The following DGKA variants were observed in gnomAD, a reference collection of about 807,000 sequenced individuals.
The protein encoded by DGKA is 80 kDa diacylglycerol kinase.
A neutral mutation model predicts 105.0 loss-of-function variants in DGKA; 35 were observed. The ratio of observed to expected loss-of-function variants is 0.33; its 90% CI spans 0.25 to 0.44. The LOEUF (loss-of-function observed/expected upper bound fraction) is 0.44. Ranked by LOEUF, DGKA falls within the 20% of genes least tolerant of loss-of-function variation. The pLI is 1.00. For synonymous variants in DGKA, 296 were observed against 332.0 expected (o/e 0.89, Z 1.18); for missense variants, 665 against 915.0 (o/e 0.73, Z 3.53).
upstream of DGKA, chr12:55,927,637 G>A (rs779628775): frequency 3.0e-5 from 45 of 1,494,498 alleles, no homozygotes; most frequent in South Asian, 4.9e-4. Flanking sequence ...GGTCGAATTC[G>A]TGTGCCGATT....
rs536484555 is a variant in DGKA, at chr12:55,943,582, A to G, written c.1426+1319A>G. Among the ~76,000 whole-genome samples, 71 of 152,060 alleles carry G rather than the reference A, an allele frequency of 4.7e-4. 1 individual carries two copies. The highest frequency in any genetic ancestry group is 1.6e-3 in the African/African-American group (67 of 41,516). ...TAAGCCACCATGCCCAACCCACTTTACCATTCAAGCCACTCAGGTATTTGA... is the reference window on the plus strand; with the variant it reads ...TAAGCCACCATGCCCAACCCACTTTGCCATTCAAGCCACTCAGGTATTTGA... On this transcript the variant is annotated intron_variant, in intron 17 of 23. Coordinates refer to ENST00000331886, the MANE Select transcript of DGKA (RefSeq NM_001345.5).
At position 55,953,718 on chromosome 12, in the gene DGKA, C is replaced by T. The variant is rs755351050; in HGVS notation, c.2158C>T (p.Leu720Phe). 5.0e-6 allele frequency: 8 copies of T among 1,614,158 alleles called. No homozygotes were observed. The East Asian group carries it at 1.3e-4, about 27-fold the overall frequency. ...KITHKNQMPM[L>F]MGPPPRSTNF... is the part of the protein sequence containing the mutation. ...CACCCACAAGAACCAGATGCCCATG[C>T]TCATGGGCCCACCCCCCCGCTCCAC... The change falls in exon 24 of 24, where the codon CTC (leucine) becomes TTC (phenylalanine). Residue 720 changes from leucine (L) to phenylalanine (F), a missense_variant. This residue lies in a region of DGKA where 158 missense variants were observed against 213.4 expected (regional missense o/e 0.74). Transcript: ENST00000331886.
rs996547002 is a variant in DGKA, at chr12:55,940,211, C to T, written c.798+41C>T. The T allele has an allele frequency of 1.9e-6, 3 of 1,613,044 alleles. No homozygotes were observed. The highest frequency in any genetic ancestry group is 2.5e-6 in the Non-Finnish European group (3 of 1,178,984). On this transcript the variant is annotated intron_variant, in intron 10 of 23. Coordinates refer to ENST00000331886, the MANE Select transcript of DGKA (RefSeq NM_001345.5). The surrounding 1 kb of genome is among the most constrained non-coding windows in gnomAD (Gnocchi z 4.3). ...CCTCCACCCCCAACATCACCTACAT[C>T]CTGGCCCTGGCCCTGGCCCTTGGCC...
Position 55,932,738 on chromosome 12 carries a change from CACAA to C in DGKA, c.-82+1395_-82+1398del, listed in dbSNP as rs1883898885. ...ACACACACACACACACACACACACA[CACAA>C]CCCCCTCAGCCAGGTGTAGCACTGC... is the stretch of plus-strand genomic sequence containing the variant. On this transcript the variant is annotated intron_variant, in intron 1 of 23. Coordinates refer to ENST00000331886, the MANE Select transcript of DGKA (RefSeq NM_001345.5). The surrounding 1 kb of genome is among the most constrained non-coding windows in gnomAD (Gnocchi z 4.3). 1.5e-5 allele frequency: 9 copies of C among 597,942 alleles called. No individual in the cohort carries two copies. Among genetic ancestry groups the C allele is most frequent in the Non-Finnish European group, 2.1e-5 (7 of 328,144 alleles). 37.0% of individuals were successfully genotyped at this position (597,942 alleles called of 1,614,324 possible). A position where few individuals can be genotyped will look rare whatever the true frequency, so the allele number is the denominator to read the frequency against.
At chr12:55,950,224 C>T (rs1045100921) in intron 17 of DGKA, among the ~76,000 whole-genome samples, 3 of 152,048 alleles carry the variant, frequency 2.0e-5, no homozygotes, top group South Asian at 2.1e-4. Flanking sequence ...CTGCCCTCCT[C>T]GGCCTCCCAA....
chr12:55,951,756 C>G lies in DGKA; in HGVS notation c.1560C>G (p.Ile520Met), dbSNP rs112257634. 6.2e-7 allele frequency: 1 copy of G among 1,613,728 alleles called. No homozygotes were observed. Among genetic ancestry groups the G allele is most frequent in the Non-Finnish European group, 8.5e-7 (1 of 1,179,986 alleles). ...EEKSDPVPFQ[I>M]INNYFSIGVD... Reference sequence around the variant, plus strand: ...AAAGTGACCCAGTCCCCTTTCAAATCATCAATAACTACTTCTCTATTGGCG... The same window carrying G: ...AAAGTGACCCAGTCCCCTTTCAAATGATCAATAACTACTTCTCTATTGGCG... Residue 520 changes from isoleucine to methionine, a missense_variant, in exon 18 of 24, where the codon ATC (isoleucine) becomes ATG (methionine). Physicochemically the swap from Ile to Met is conservative, Grantham distance 10. Coordinates refer to ENST00000331886, the MANE Select transcript of DGKA (RefSeq NM_001345.5).
chr12:55,939,453 G>C lies in DGKA; in HGVS notation c.633G>C (p.Lys211Asn). 6.2e-7 allele frequency: 1 copy of C among 1,614,208 alleles called. No homozygotes were observed. The highest frequency in any genetic ancestry group is 1.1e-5 in the South Asian group (1 of 91,086). The change falls in exon 9 of 24, where the codon AAG (lysine) becomes AAC (asparagine). Residue 211 changes from lysine to asparagine, a missense_variant. This residue lies in a region of DGKA where 504 missense variants were observed against 681.2 expected (regional missense o/e 0.74). Coordinates refer to ENST00000331886, the MANE Select transcript of DGKA (RefSeq NM_001345.5). ...ACGGACAGCACATGTGGAGGCCCAA[G>C]AGGTTCCCCAGACCAGTCTACTGCA... is the stretch of plus-strand genomic sequence containing the variant. ...KDDGQHMWRP[K>N]RFPRPVYCNL...
chr12:55,937,341 C>T, intron 3 of DGKA, 67 bp from the exon 4 acceptor site: 1 of 1,564,964 alleles, frequency 6.4e-7, no homozygotes, highest in Non-Finnish European at 8.7e-7. Context: ...GTCCCCGCTA[C>T]TCCCAATTCT....
Position 55,954,008 on chromosome 12 carries a change from C to T in DGKA, c.*240C>T, listed in dbSNP as rs996771607. 1.5e-6 allele frequency: 1 copy of T among 647,480 alleles called. No homozygotes were observed. The highest frequency in any genetic ancestry group is 1.8e-5 in the African/African-American group (1 of 54,734). The allele number at this position is 647,480 out of a possible 1,614,324, so 40.1% of individuals were successfully genotyped here. On this transcript the variant is annotated 3_prime_UTR_variant, in exon 24 of 24. Coordinates refer to ENST00000331886, the MANE Select transcript of DGKA (RefSeq NM_001345.5). ...CTGAATAAAATGACTTGTGTTTCCC[C>T]TTTGGGATCTGCTAAGTAAGTGGTA...
Position 55,951,744 on chromosome 12 carries a change from C to A in DGKA, c.1548C>A (p.Val516=), listed in dbSNP as rs1425943020. The change falls in exon 18 of 24, where the codon GTC becomes GTA. Residue 516 remains valine (V), a synonymous_variant. Transcript: ENST00000331886. ...PQQTEEKSDP[V]PFQIINNYFS... Reference sequence around the variant, plus strand: ...AAACTGAAGAAAAAAGTGACCCAGTCCCCTTTCAAATCATCAATAACTACT... The same window carrying A: ...AAACTGAAGAAAAAAGTGACCCAGTACCCTTTCAAATCATCAATAACTACT... 2 of 1,613,798 alleles carry A rather than the reference C, an allele frequency of 1.2e-6. No homozygotes were observed. The highest frequency in any genetic ancestry group is 1.7e-6 in the Non-Finnish European group (2 of 1,180,008).
Position 55,932,468 on chromosome 12 carries a change from AG to A in DGKA, c.-82+1126del, listed in dbSNP as rs1883791418. ...GGAGAAGGGTTCTTGTTTGGCCTCC[AG>A]GTCCCCAACTTCCCACCCCATCCTC... On this transcript the variant is annotated intron_variant, in intron 1 of 23. Coordinates refer to ENST00000331886, the MANE Select transcript of DGKA (RefSeq NM_001345.5). This position sits in a 1 kb window ranked among gnomAD's most constrained non-coding sequence, Gnocchi z 4.3. 1.4e-6 allele frequency: 1 copy of A among 696,282 alleles called. No individual in the cohort carries two copies. Among genetic ancestry groups the A allele is most frequent in the Non-Finnish European group, 2.6e-6 (1 of 381,070 alleles). 43.1% of individuals were successfully genotyped at this position (696,282 alleles called of 1,614,324 possible). A position where few individuals can be genotyped will look rare whatever the true frequency, so the allele number is the denominator to read the frequency against.
chr12:55,949,323 T>C (rs942571825), intron 17 of DGKA, among the ~76,000 whole-genome samples: 1 of 151,998 alleles, frequency 6.6e-6, no homozygotes, highest in African/African-American at 2.4e-5. Flanking sequence ...CTCAGCCTCC[T>C]GAATAGCTGG....
At chr12:55,931,917 G>A (rs1265612033) in intron 1 of DGKA, 1 of 151,952 alleles carries the variant, frequency 6.6e-6, no homozygotes, top group African/African-American at 2.4e-5. Flanking sequence ...CCTAGAAACG[G>A]GCCTCTCCAA....
In DGKA at chr12:55,935,995, G is replaced by GCCGAAGAC. The variant is rs1357185003; in HGVS notation, c.-81-423_-81-416dup. 1.1e-5 allele frequency: 11 copies of GCCGAAGAC among 989,664 alleles called. 1 individual carries two copies. In the South Asian group the frequency reaches 3.7e-4, roughly 33 times the overall value. 61.3% of individuals were successfully genotyped at this position (989,664 alleles called of 1,614,324 possible). A position where few individuals can be genotyped will look rare whatever the true frequency, so the allele number is the denominator to read the frequency against. ...TCAGAGGGCCGGAACTGCCGGAACT[G>GCCGAAGAC]CCGAAGACCCGAGATGGGAGAGAGC... On this transcript the variant is annotated intron_variant, in intron 1 of 23. Transcript: ENST00000331886.
rs911798946 is a variant in DGKA at position 55,936,517 on chromosome 12, G to A, written c.14G>A (p.Arg5Lys). 3.7e-6 allele frequency: 6 copies of A among 1,613,954 alleles called. No homozygotes were observed. The highest frequency in any genetic ancestry group is 1.7e-5 in the Admixed American group (1 of 59,984). Residue 5 changes from arginine (R) to lysine (K), a missense_variant, in exon 2 of 24, where the codon AGG becomes AAG. Arg to Lys is a conservative substitution (Grantham distance 26, BLOSUM62 2). Around this residue, in one of 3 missense-constraint regions of DGKA, gnomAD observed 504 missense variants for 681.2 expected, o/e 0.74. Coordinates refer to ENST00000331886, the MANE Select transcript of DGKA (RefSeq NM_001345.5). MAKERGLISPSDFAQ... is the reference protein window; with the variant it reads MAKEKGLISPSDFAQ... Reference sequence around the variant, plus strand: ...AAAAATAGACAGATGGCCAAGGAGAGGGGCCTAATAAGCCCCAGTGATTTT... The same window carrying A: ...AAAAATAGACAGATGGCCAAGGAGAAGGGCCTAATAAGCCCCAGTGATTTT...
chr12:55,941,191 G>C, intron 13 of DGKA, 61 bp from the exon 14 acceptor site: 6 of 1,547,902 alleles, frequency 3.9e-6, no homozygotes, highest in Non-Finnish European at 5.3e-6. Context: ...TGTCTCCTGG[G>C]CCCACCTTAA....
At chr12:55,935,736 G>C (rs368780293) in intron 1 of DGKA, 1 of 260,824 alleles carries the variant, frequency 3.8e-6, no homozygotes, top group South Asian at 1.4e-4. Context: ...TCCCTACCCC[G>C]CGCCTAGTTC....
chr12:55,938,765 C>T, intron 6 of DGKA, 150 bp from the exon 7 acceptor site: 2 of 1,529,576 alleles, frequency 1.3e-6, no homozygotes, highest in South Asian at 1.2e-5. Flanking sequence ...GCCTTACAAA[C>T]ATACAAACAC....
chr12:55,940,762 C>T lies in DGKA; in HGVS notation c.1017+40C>T. The T allele has an allele frequency of 1.9e-6, 3 of 1,609,464 alleles. No individual in the cohort carries two copies. The highest frequency in any genetic ancestry group is 2.6e-6 in the Non-Finnish European group (3 of 1,176,060). Reference sequence around the variant, plus strand: ...AGCAGCGGGGAGGGGACAGGAGTGCCTCCCCGATTTCCCACACGCACAGAG... The same window carrying T: ...AGCAGCGGGGAGGGGACAGGAGTGCTTCCCCGATTTCCCACACGCACAGAG... On this transcript the variant is annotated intron_variant, in intron 12 of 23. Transcript: ENST00000331886. The surrounding 1 kb of genome is among the most constrained non-coding windows in gnomAD (Gnocchi z 4.3).
Sources: gnomAD v4.1 joint callset for allele counts (sites outside exome capture counted in the v4.1 genomes callset) on GRCh38, gnomAD v4.1.1 for gene constraint, gnomAD v4.1.1 regional missense constraint, Gnocchi (gnomAD v3.1) non-coding constraint, MANE v1.5 for transcripts, NCBI Gene and HGNC (gene_info 2026-07-23, HGNC 2026-07-21) for gene names.